ANKRD29: variants seen among roughly 807,000 people sequenced by gnomAD.
The protein encoded by ANKRD29 is ankyrin repeat domain 29.
A neutral mutation model predicts 38.0 loss-of-function variants in ANKRD29; 32 were observed. The observed-to-expected ratio is 0.84, with a 90% CI of 0.64 to 1.13. The LOEUF is 1.13. Ranked by LOEUF, ANKRD29 falls within the 50% of genes most tolerant of loss-of-function variation. The pLI is 0.00. For synonymous variants in ANKRD29, 135 were observed against 152.4 expected (o/e 0.89, Z 0.84); for missense variants, 357 against 377.9 (o/e 0.94, Z 0.46).
Position 23,662,833 on chromosome 18 carries a change from C to A in ANKRD29, c.-103G>T. The A allele has an allele frequency of 9.3e-7, 1 of 1,071,202 alleles. No homozygotes were observed. Among genetic ancestry groups the A allele is most frequent in the Non-Finnish European group, 1.2e-6 (1 of 866,206 alleles). The allele number at this position is 1,071,202 out of a possible 1,614,324, so 66.4% of individuals were successfully genotyped here. On this transcript the variant is annotated 5_prime_UTR_variant, in exon 1 of 10. Coordinates refer to ENST00000592179, the MANE Select transcript of ANKRD29 (RefSeq NM_173505.4). ...GGGCTCTCGGCGTTCCGCAGAGGGG[C>A]GGCCTCCGACGCCGCGCGCTCCCGC...
At chr18:23,652,106 C>T (rs777805679) in intron 1 of ANKRD29, among the ~76,000 whole-genome samples, 2 of 152,076 alleles carry the variant, frequency 1.3e-5, no homozygotes, top group Non-Finnish European at 2.9e-5. Context: ...GCCTATGGGG[C>T]ATCTAGGTGG....
chr18:23,654,038 C>A (rs1207148963), intron 1 of ANKRD29, among the ~76,000 whole-genome samples: 2 of 151,534 alleles, frequency 1.3e-5, no homozygotes, highest in Non-Finnish European at 2.9e-5. Flanking sequence ...GAGGCCCAGG[C>A]GGGCAGATCA....
At chr18:23,619,394 C>G in intron 7 of ANKRD29, 137 bp downstream of exon 7, 1 of 811,214 alleles carries the variant, frequency 1.2e-6, no homozygotes, top group Non-Finnish European at 1.9e-6. Context: ...CCGAATCAGA[C>G]CTTGACTTTG....
At chr18:23,621,960 A>C (rs1414634037) in intron 6 of ANKRD29, among the ~76,000 whole-genome samples, 2 of 152,040 alleles carry the variant, frequency 1.3e-5, no homozygotes, top group African/African-American at 4.8e-5. Flanking sequence ...CTGAGATTAC[A>C]GGTGTGAGCC....
At chr18:23,640,870 A>G (rs2060065276) in intron 3 of ANKRD29, among the ~76,000 whole-genome samples, 1 of 152,210 alleles carries the variant, frequency 6.6e-6, no homozygotes, top group Admixed American at 6.5e-5. Context: ...TTAAGATGGT[A>G]GGTCTCACTC....
chr18:23,612,099 C>G lies in ANKRD29; in HGVS notation c.815G>C (p.Arg272Thr). The change falls in exon 9 of 10, where the codon AGA (arginine) becomes ACA (threonine). Residue 272 changes from arginine (R) to threonine (T), a missense_variant. Transcript: ENST00000592179. The stretch of plus-strand genomic sequence containing the variant: ...AGATTGCTTAGTGGGTACCTTGTTT[C>G]TCAGGGATGGGTCTGCCCCTGCTTC... ...LLEAGADPSLRNKANELPAEL... is the reference protein window; with the variant it reads ...LLEAGADPSLTNKANELPAEL... 1 of 1,613,408 alleles carries G rather than the reference C, an allele frequency of 6.2e-7. No individual in the cohort carries two copies. The highest frequency in any genetic ancestry group is 8.5e-7 in the Non-Finnish European group (1 of 1,179,944).
At chr18:23,654,618 C>CAAAA (rs1167970950) in intron 1 of ANKRD29, among the ~76,000 whole-genome samples, 18 of 50,388 alleles carry the variant, frequency 3.6e-4, no homozygotes, top group South Asian at 6.9e-4. Flanking sequence ...GACTCTGTCT[C>CAAAA]AAAAAAAAAA....
intron 1 of ANKRD29, chr18:23,649,508 T>C (rs1338914141): frequency 1.8e-6 from 1 of 571,318 alleles, no homozygotes; most frequent in African/African-American, 1.8e-5. Flanking sequence ...TTGCTTGAAA[T>C]GAATTTTCCT....
chr18:23,662,736 C>T lies in ANKRD29; in HGVS notation c.-6G>A. The T allele has an allele frequency of 6.8e-7, 1 of 1,465,706 alleles. No individual in the cohort carries two copies. Among genetic ancestry groups the T allele is most frequent in the Non-Finnish European group, 9.0e-7 (1 of 1,112,560 alleles). The allele number at this position is 1,465,706 out of a possible 1,614,324, so 90.8% of individuals were successfully genotyped here. On this transcript the variant is annotated 5_prime_UTR_variant, in exon 1 of 10. Coordinates refer to ENST00000592179, the MANE Select transcript of ANKRD29 (RefSeq NM_173505.4). ...TTGAAGGACATCCTGCACATGTCCG[C>T]GGCCGCCCGAGCGGGAGCCGGCGCG...
In ANKRD29 at chr18:23,601,221, C is replaced by A; in HGVS notation, c.*5G>T. Reference sequence around the variant, plus strand: ...TTCTATCTTTCTGTCAAATATGGAGCTAAGTTAGCTCTTTCTGGGACCTTC... The same window carrying A: ...TTCTATCTTTCTGTCAAATATGGAGATAAGTTAGCTCTTTCTGGGACCTTC... On this transcript the variant is annotated 3_prime_UTR_variant, in exon 10 of 10. Coordinates refer to ENST00000592179, the MANE Select transcript of ANKRD29 (RefSeq NM_173505.4). 6.2e-7 allele frequency: 1 copy of A among 1,612,968 alleles called. No homozygotes were observed. Among genetic ancestry groups the A allele is most frequent in the Non-Finnish European group, 8.5e-7 (1 of 1,179,102 alleles).
At chr18:23,644,217 C>A (rs2060111667) in intron 3 of ANKRD29, among the ~76,000 whole-genome samples, 1 of 152,206 alleles carries the variant, frequency 6.6e-6, no homozygotes, top group Non-Finnish European at 1.5e-5. Context: ...GGCTAGAAAT[C>A]AAATACTTCT....
At chr18:23,607,525 G>T (rs986232104) in intron 9 of ANKRD29, among the ~76,000 whole-genome samples, 1 of 152,162 alleles carries the variant, frequency 6.6e-6, no homozygotes, top group Non-Finnish European at 1.5e-5. Context: ...GTGTTGCCTT[G>T]TGTGACCATC....
chr18:23,620,668 G>C (rs1275527258), intron 6 of ANKRD29, among the ~76,000 whole-genome samples: 1 of 152,192 alleles, frequency 6.6e-6, no homozygotes, highest in Non-Finnish European at 1.5e-5. Context: ...TTCCAGATGG[G>C]AAAGGATTTT....
chr18:23,645,961 G>T (rs2060133755), intron 3 of ANKRD29, among the ~76,000 whole-genome samples: 1 of 152,208 alleles, frequency 6.6e-6, no homozygotes, highest in South Asian at 2.1e-4. Flanking sequence ...TTTATAGGCA[G>T]GTGGTAAGAG....
intron 4 of ANKRD29, among the ~76,000 whole-genome samples, chr18:23,637,017 C>G (rs2060011462): frequency 6.6e-6 from 1 of 152,226 alleles, no homozygotes; most frequent in Non-Finnish European, 1.5e-5. Context: ...ATACCTGCAG[C>G]TGACCTAATG....
At chr18:23,621,830 A>T (rs1235794164) in intron 6 of ANKRD29, among the ~76,000 whole-genome samples, 1 of 152,062 alleles carries the variant, frequency 6.6e-6, no homozygotes, top group Non-Finnish European at 1.5e-5. Context: ...GTGCACCACC[A>T]TGCCCAGCTA....
intron 1 of ANKRD29, among the ~76,000 whole-genome samples, chr18:23,657,340 G>A (rs1268487412): frequency 6.6e-6 from 1 of 152,198 alleles, no homozygotes; most frequent in East Asian, 1.9e-4. Context: ...AGCGAATGGA[G>A]CCCAGCTCAG....
rs568282971 is a variant in ANKRD29, at chr18:23,602,533, G to A, written c.823-1224C>T. 2.6e-5 allele frequency among the ~76,000 whole-genome samples: 4 copies of A among 152,274 alleles called. No homozygotes were observed. In the South Asian group the frequency reaches 8.3e-4, roughly 32 times the overall value. ...CTACCATTGACAACAGGTGTGATGT[G>A]GAAGTGGCTCTCAAACCTGTTGGTT... is the stretch of plus-strand genomic sequence containing the variant. On this transcript the variant is annotated intron_variant, in intron 9 of 9. Transcript: ENST00000592179.
At chr18:23,649,254 T>A in intron 1 of ANKRD29, 61 bp from the exon 2 acceptor site, 2 of 1,178,326 alleles carry the variant, frequency 1.7e-6, no homozygotes, top group South Asian at 1.3e-5. Flanking sequence ...ACTGCTGCTA[T>A]GCACATAGAT....
Sources: allele counts gnomAD v4.1 joint callset (sites outside exome capture counted in the v4.1 genomes callset), GRCh38; gene constraint gnomAD v4.1.1; transcripts MANE v1.5; gene names NCBI Gene and HGNC (gene_info 2026-07-23, HGNC 2026-07-21).